The following LCN9 variants were observed in gnomAD, a reference collection of about 807,000 sequenced individuals.
LCN9 encodes epididymal-specific lipocalin-9.
LCN9 carries 22 observed loss-of-function variants against 18.5 expected under a neutral mutation model. The ratio of observed to expected loss-of-function variants is 1.19; its 90% CI spans 0.85 to 1.70. LCN9 has a LOEUF of 1.70. Ranked by LOEUF, LCN9 falls within the 40% of genes most tolerant of loss-of-function variation. The probability of loss-of-function intolerance (pLI) is 0.00; values close to 1 mark genes in which losing one functional copy is unlikely to be tolerated. For missense variants in LCN9, 202 were observed against 201.3 expected, an observed-to-expected ratio of 1.00 and a Z score of -0.02; for synonymous variants, 89 against 83.0, an observed-to-expected ratio of 1.07 and a Z score of -0.39.
Position 135,664,179 on chromosome 9 carries a change from T to G in LCN9, c.114T>G (p.Tyr38Ter). 6.2e-7 allele frequency: 1 copy of G among 1,613,652 alleles called. No homozygotes were observed. Residue 38 changes from tyrosine (Y) to a stop codon, truncating the protein, a stop_gained, in exon 2 of 6, where the codon TAT becomes TAG. Coordinates refer to ENST00000619315, the Ensembl canonical transcript of LCN9. LOFTEE classifies it high-confidence loss of function. The surrounding 1 kb of genome is among the most constrained non-coding windows in gnomAD (Gnocchi z 4.5). ...GTCTTCAGGTTTCAGGGGTCTGGTATTCTATTTTCATGGCCTCAGATGACC... is the reference window on the plus strand; with the variant it reads ...GTCTTCAGGTTTCAGGGGTCTGGTAGTCTATTTTCATGGCCTCAGATGACC...
chr9:135,665,650 G>C lies in LCN9; in HGVS notation c.419-38G>C. ...TCACACAGAACCAACTCTGTTCCCA[G>C]CACGGGTCCCATAGCTGGAACCCTC... On this transcript the variant is annotated intron_variant, in intron 4 of 5. Coordinates refer to ENST00000619315, the Ensembl canonical transcript of LCN9. This position sits in a 1 kb window ranked among gnomAD's most constrained non-coding sequence, Gnocchi z 5.9. The C allele has an allele frequency of 6.3e-7, 1 of 1,591,200 alleles. No individual in the cohort carries two copies. Among genetic ancestry groups the C allele is most frequent in the Non-Finnish European group, 8.6e-7 (1 of 1,166,130 alleles).
chr9:135,664,091 A>G lies in LCN9; in HGVS notation c.97-71A>G, dbSNP rs1834173598. 2 of 1,554,504 alleles carry G rather than the reference A, an allele frequency of 1.3e-6. No homozygotes were observed. The highest frequency in any genetic ancestry group is 1.4e-5 in the African/African-American group (1 of 73,002). Reference sequence around the variant, plus strand: ...GCTAAGGGGCCGGGCCCTGGGAGGGAAGACTGTGGGCGCTAAGCATCCCCA... The same window carrying G: ...GCTAAGGGGCCGGGCCCTGGGAGGGGAGACTGTGGGCGCTAAGCATCCCCA... On this transcript the variant is annotated intron_variant, in intron 1 of 5. Transcript: ENST00000619315. This position sits in a 1 kb window ranked among gnomAD's most constrained non-coding sequence, Gnocchi z 4.5.
Position 135,664,182 on chromosome 9 carries a change from T to C in LCN9, c.117T>C (p.Ser39=). Residue 39 remains serine (S), a synonymous_variant, in exon 2 of 6, where the codon TCT becomes TCC. Transcript: ENST00000619315. The surrounding 1 kb of genome is among the most constrained non-coding windows in gnomAD (Gnocchi z 4.5). ...TTCAGGTTTCAGGGGTCTGGTATTC[T>C]ATTTTCATGGCCTCAGATGACCTGA... is the stretch of plus-strand genomic sequence containing the variant. 1 of 1,613,748 alleles carries C rather than the reference T, an allele frequency of 6.2e-7. No individual in the cohort carries two copies. The highest frequency in any genetic ancestry group is 8.5e-7 in the Non-Finnish European group (1 of 1,179,740).
chr9:135,664,157 T>G lies in LCN9; in HGVS notation c.97-5T>G. The G allele has an allele frequency of 6.2e-7, 1 of 1,613,182 alleles. No homozygotes were observed. The highest frequency in any genetic ancestry group is 1.1e-5 in the South Asian group (1 of 91,046). Reference sequence around the variant, plus strand: ...CCCCCACCCACTGGAGCTCTTTGTCTTCAGGTTTCAGGGGTCTGGTATTCT... The same window carrying G: ...CCCCCACCCACTGGAGCTCTTTGTCGTCAGGTTTCAGGGGTCTGGTATTCT... On this transcript the variant is annotated splice_region_variant and splice_polypyrimidine_tract_variant and intron_variant, in intron 1 of 5. Transcript: ENST00000619315. This position sits in a 1 kb window ranked among gnomAD's most constrained non-coding sequence, Gnocchi z 4.5.
rs762772143 is a variant in LCN9, at chr9:135,665,933, G to A, written c.*82G>A. ...CGTGAGCTGCGACTCGGGACGGGCA[G>A]GGGGCTGGATGGGGAGAGCTTGGGG... On this transcript the variant is annotated 3_prime_UTR_variant, in exon 6 of 6. Coordinates refer to ENST00000619315, the Ensembl canonical transcript of LCN9. The surrounding 1 kb of genome is among the most constrained non-coding windows in gnomAD (Gnocchi z 5.9). The A allele has an allele frequency of 2.9e-5, 47 of 1,606,782 alleles. No individual in the cohort carries two copies. Among genetic ancestry groups the A allele is most frequent in the Non-Finnish European group, 3.9e-5 (46 of 1,178,292 alleles).
At chr9:135,663,483 G>A in intron 1 of LCN9, 66 bp downstream of exon 1, 2 of 1,466,740 alleles carry the variant, frequency 1.4e-6, no homozygotes, top group East Asian at 2.3e-5. Flanking sequence ...CCCCCAGCCT[G>A]GGGTCTCTGA....
chr9:135,663,458 C>T, intron 1 of LCN9, 41 bp downstream of exon 1: 3 of 1,569,050 alleles, frequency 1.9e-6, no homozygotes, highest in Non-Finnish European at 2.6e-6. Flanking sequence ...GGCCAGGCTT[C>T]AAGGCACCTG....
At chr9:135,663,404 A>G (rs1279045750) in exon 1 of LCN9, 1 of 1,613,858 alleles carries the variant, frequency 6.2e-7, no homozygotes, top group Admixed American at 1.7e-5. Flanking sequence ...CAGAGGAACT[A>G]CAACGTGGCC....
In LCN9 at chr9:135,665,263, T is replaced by G; in HGVS notation, c.326T>G (p.Val109Gly). The G allele has an allele frequency of 6.3e-7, 1 of 1,597,926 alleles. No individual in the cohort carries two copies. Among genetic ancestry groups the G allele is most frequent in the South Asian group, 1.1e-5 (1 of 87,878 alleles). ...CACGCAGATGAGGGCCAGAACACAG[T>G]GGCCGTCTCGGAGACTGACTACAGG... Residue 109 changes from valine (V) to glycine (G), a missense_variant, in exon 4 of 6, where the codon GTG (valine) becomes GGG (glycine). Physicochemically the swap from Val to Gly is moderately radical, Grantham distance 109 (BLOSUM62 -3). Coordinates refer to ENST00000619315, the Ensembl canonical transcript of LCN9. The surrounding 1 kb of genome is among the most constrained non-coding windows in gnomAD (Gnocchi z 5.9).
At position 135,664,220 on chromosome 9, in the gene LCN9, A is replaced by G; in HGVS notation, c.155A>G (p.Glu52Gly). 2 of 1,613,780 alleles carry G rather than the reference A, an allele frequency of 1.2e-6. No individual in the cohort carries two copies. Among genetic ancestry groups the G allele is most frequent in the Non-Finnish European group, 1.7e-6 (2 of 1,179,792 alleles). ...TCAGATGACCTGAATCGGATTAAAG[A>G]AAATGGAGACCTGAGGGTCTTCGTC... Residue 52 changes from glutamate to glycine, a missense_variant, in exon 2 of 6, where the codon GAA becomes GGA. By Grantham distance (98) the Glu-to-Gly change is moderately conservative. Transcript: ENST00000619315. This position sits in a 1 kb window ranked among gnomAD's most constrained non-coding sequence, Gnocchi z 4.5.
At position 135,664,887 on chromosome 9, in the gene LCN9, G is replaced by A; in HGVS notation, c.307+92G>A. 7.4e-7 allele frequency: 1 copy of A among 1,342,702 alleles called. No individual in the cohort carries two copies. Among genetic ancestry groups the A allele is most frequent in the Non-Finnish European group, 1.0e-6 (1 of 972,982 alleles). 83.2% of individuals were successfully genotyped at this position (1,342,702 alleles called of 1,614,324 possible). On this transcript the variant is annotated intron_variant, in intron 3 of 5. Transcript: ENST00000619315. This position sits in a 1 kb window ranked among gnomAD's most constrained non-coding sequence, Gnocchi z 4.5. ...TATTCTGGTGAGCACTGACTCTGGG[G>A]ATTTTAGTTAAGCCCCTGACAGCTT... is the stretch of plus-strand genomic sequence containing the variant.
In LCN9 at chr9:135,665,270, C is replaced by A. The variant is rs1312344412; in HGVS notation, c.333C>A (p.Val111=). ...ATGAGGGCCAGAACACAGTGGCCGT[C>A]TCGGAGACTGACTACAGGCTGTTCA... The change falls in exon 4 of 6, where the codon GTC becomes GTA. Residue 111 remains valine, a synonymous_variant. Coordinates refer to ENST00000619315, the Ensembl canonical transcript of LCN9. This position sits in a 1 kb window ranked among gnomAD's most constrained non-coding sequence, Gnocchi z 5.9. 6.2e-7 allele frequency: 1 copy of A among 1,601,980 alleles called. No individual in the cohort carries two copies. The highest frequency in any genetic ancestry group is 8.5e-7 in the Non-Finnish European group (1 of 1,174,482).
chr9:135,666,262 C>T (rs528634519), exon 6 of LCN9: 371 of 981,722 alleles, frequency 3.8e-4, no homozygotes, highest in African/African-American at 7.8e-4. Flanking sequence ...CACCAGCTCC[C>T]GGGAAGGGTC....
chr9:135,665,654 G>T lies in LCN9; in HGVS notation c.419-34G>T, dbSNP rs781054538. 2 of 1,595,376 alleles carry T rather than the reference G, an allele frequency of 1.3e-6. No individual in the cohort carries two copies. The highest frequency in any genetic ancestry group is 2.7e-5 in the African/African-American group (2 of 74,528). On this transcript the variant is annotated intron_variant, in intron 4 of 5. Transcript: ENST00000619315. The surrounding 1 kb of genome is among the most constrained non-coding windows in gnomAD (Gnocchi z 5.9). The stretch of plus-strand genomic sequence containing the variant: ...ACAGAACCAACTCTGTTCCCAGCAC[G>T]GGTCCCATAGCTGGAACCCTCCTTC...
chr9:135,665,227 AGCCAT>A lies in LCN9; in HGVS notation c.308-16_308-12del. 7.1e-6 allele frequency: 11 copies of A among 1,540,912 alleles called. No homozygotes were observed. Among genetic ancestry groups the A allele is most frequent in the Non-Finnish European group, 8.8e-6 (10 of 1,129,974 alleles). On this transcript the variant is annotated splice_polypyrimidine_tract_variant and intron_variant, in intron 3 of 5. Coordinates refer to ENST00000619315, the Ensembl canonical transcript of LCN9. This position sits in a 1 kb window ranked among gnomAD's most constrained non-coding sequence, Gnocchi z 5.9. ...AGGGTGGCGGGGCCAGGCCACGCTG[AGCCAT>A]GTCTCCACGCAGATGAGGGCCAGAA...
intron 1 of LCN9, 111 bp downstream of exon 1, chr9:135,663,528 A>G: frequency 1.6e-6 from 1 of 607,838 alleles, no homozygotes; most frequent in Non-Finnish European, 2.7e-6. Context: ...AGGGGAGCCC[A>G]CCTCTCCTCC....
chr9:135,665,348 G>C lies in LCN9; in HGVS notation c.411G>C (p.Ala137=), dbSNP rs61742118. The change falls in exon 4 of 6, where the codon GCG becomes GCC. Residue 137 remains alanine, a synonymous_variant. Transcript: ENST00000619315. The surrounding 1 kb of genome is among the most constrained non-coding windows in gnomAD (Gnocchi z 5.9). ...ACGGGACCGAGACCCACACGCTGGC[G>C]CTCTATGGTACCTCCGCTGTCCCCC... is the stretch of plus-strand genomic sequence containing the variant. 2,794 of 1,595,826 alleles carry C rather than the reference G, an allele frequency of 1.8e-3. 43 individuals are homozygous for C. In the African/African-American group the frequency reaches 0.031, roughly 18 times the overall value.
exon 6 of LCN9, chr9:135,666,072 C>T (rs766419055): frequency 4.2e-5 from 67 of 1,599,380 alleles, no homozygotes; most frequent in Middle Eastern, 1.6e-4. Flanking sequence ...ATCCTGGAGT[C>T]GGGGCAGTGA....
chr9:135,666,000 A>C lies in LCN9; in HGVS notation c.*149A>C. The stretch of plus-strand genomic sequence containing the variant: ...CGGGGTCCCACCCCAGGAGGTGCCC[A>C]TCCCTCCCCCTGGTCTGGGAACCGA... On this transcript the variant is annotated 3_prime_UTR_variant, in exon 6 of 6. Transcript: ENST00000619315. The surrounding 1 kb of genome is among the most constrained non-coding windows in gnomAD (Gnocchi z 5.9). 1.3e-6 allele frequency: 2 copies of C among 1,599,394 alleles called. No homozygotes were observed. The highest frequency in any genetic ancestry group is 2.2e-5 in the South Asian group (2 of 90,686).
Sources: gnomAD v4.1 joint callset for allele counts on GRCh38, gnomAD v4.1.1 for gene constraint, Gnocchi (gnomAD v3.1) non-coding constraint, MANE v1.5 for transcripts, NCBI Gene and HGNC (gene_info 2026-07-23, HGNC 2026-07-21) for gene names.